BBX: variants seen among roughly 807,000 people sequenced by gnomAD.
BBX encodes the protein HMG box transcription factor BBX.
Under a neutral mutation model 100.2 loss-of-function variants are expected in BBX, and 30 were observed. That is an observed-to-expected ratio of 0.30 (90% CI 0.22 to 0.41). The LOEUF is 0.41. BBX is among the 10% of genes least tolerant of loss of function. BBX has a pLI of 1.00. For synonymous variants in BBX, 376 were observed against 388.1 expected (o/e 0.97, Z 0.37); for missense variants, 1,023 against 1,129.8 (o/e 0.91, Z 1.35).
intron 2 of BBX, among the ~76,000 whole-genome samples, chr3:107,623,806 G>A (rs893165778): frequency 6.6e-6 from 1 of 152,146 alleles, no homozygotes; most frequent in African/African-American, 2.4e-5. Flanking sequence ...TATGGGTTGG[G>A]CACTGTACAG....
At chr3:107,664,446 C>T (rs566336592) in intron 3 of BBX, among the ~76,000 whole-genome samples, 27 of 152,248 alleles carry the variant, frequency 1.8e-4, no homozygotes, top group Non-Finnish European at 3.4e-4. Flanking sequence ...TGACTATATC[C>T]GAGCAGAAGT....
chr3:107,571,656 G>A (rs547949546), intron 2 of BBX, among the ~76,000 whole-genome samples: 2 of 152,246 alleles, frequency 1.3e-5, no homozygotes, highest in Non-Finnish European at 2.9e-5. Flanking sequence ...TGAGGGCGAG[G>A]ACAGGGGACT....
intron 3 of BBX, chr3:107,657,264 A>G (rs550876889): frequency 1.3e-5 from 2 of 152,308 alleles, no homozygotes; most frequent in Admixed American, 6.5e-5. Context: ...TGGATCTTGA[A>G]ATATTTTAGA....
At chr3:107,682,199 G>C (rs1358126938) in intron 3 of BBX, among the ~76,000 whole-genome samples, 1 of 152,070 alleles carries the variant, frequency 6.6e-6, no homozygotes, top group Non-Finnish European at 1.5e-5. Flanking sequence ...GACGACTTAA[G>C]TTGTTGGGAA....
chr3:107,739,632 A>G (rs1202190536), intron 7 of BBX, among the ~76,000 whole-genome samples: 1 of 152,228 alleles, frequency 6.6e-6, no homozygotes, highest in Non-Finnish European at 1.5e-5. Context: ...AGGCAAAGGT[A>G]GAGTGGAAGG....
chr3:107,535,657 ATC>A (rs2048444669), intron 2 of BBX, among the ~76,000 whole-genome samples: 1 of 150,672 alleles, frequency 6.6e-6, no homozygotes. Flanking sequence ...CAGTGGCACA[ATC>A]TCTGCTCACT....
chr3:107,694,630 C>CA (rs1303718250), intron 3 of BBX, among the ~76,000 whole-genome samples: 1 of 149,178 alleles, frequency 6.7e-6, no homozygotes, highest in Admixed American at 6.6e-5. Flanking sequence ...CATCAATGTT[C>CA]ATCAAGGATA....
Position 107,728,842 on chromosome 3 carries a change from A to G in BBX, c.483A>G (p.Thr161=), listed in dbSNP as rs752957796. The G allele has an allele frequency of 1.9e-6, 3 of 1,613,872 alleles. No individual in the cohort carries two copies. Among genetic ancestry groups the G allele is most frequent in the Non-Finnish European group, 2.5e-6 (3 of 1,179,848 alleles). Residue 161 remains threonine (T), a synonymous_variant, in exon 6 of 18, where the codon ACA becomes ACG. Coordinates refer to ENST00000325805, the MANE Select transcript of BBX (RefSeq NM_001142568.3). ...PTTNKPVKSP[T]PTVNPRKKLW... is the part of the protein sequence containing the mutation. ...CAAACAAGCCTGTGAAATCCCCAACACCCACTGTCAATCCACGAAAGAAAC... is the reference window on the plus strand; with the variant it reads ...CAAACAAGCCTGTGAAATCCCCAACGCCCACTGTCAATCCACGAAAGAAAC...
At chr3:107,733,452 T>G (rs918424271) in intron 7 of BBX, among the ~76,000 whole-genome samples, 1 of 152,136 alleles carries the variant, frequency 6.6e-6, no homozygotes. Flanking sequence ...ACAGCTGTTT[T>G]GAAAATTAGG....
intron 10 of BBX, among the ~76,000 whole-genome samples, chr3:107,756,884 G>T (rs2107679903): frequency 6.6e-6 from 1 of 152,292 alleles, no homozygotes; most frequent in East Asian, 1.9e-4. Flanking sequence ...AGCTGAAACA[G>T]TGAAGATCTG....
intron 10 of BBX, among the ~76,000 whole-genome samples, chr3:107,765,145 A>G (rs1010106390): frequency 2.6e-5 from 4 of 152,234 alleles, no homozygotes; most frequent in African/African-American, 9.6e-5. Context: ...AATGATACTA[A>G]TATGAGTATT....
chr3:107,741,521 T>G (rs2064108523), intron 7 of BBX, among the ~76,000 whole-genome samples: 1 of 152,138 alleles, frequency 6.6e-6, no homozygotes, highest in Non-Finnish European at 1.5e-5. Flanking sequence ...TTTCAGAGAC[T>G]ATTTCTAGAA....
chr3:107,614,653 A>G (rs2055116874), intron 2 of BBX, among the ~76,000 whole-genome samples: 1 of 152,216 alleles, frequency 6.6e-6, no homozygotes, highest in African/African-American at 2.4e-5. Context: ...AAATCATTCT[A>G]GATTACTTCT....
intron 2 of BBX, among the ~76,000 whole-genome samples, chr3:107,579,252 G>A (rs1302214721): frequency 6.6e-6 from 1 of 152,178 alleles, no homozygotes; most frequent in Non-Finnish European, 1.5e-5. Flanking sequence ...TAAAGGGCGA[G>A]TAAGCACTTG....
chr3:107,594,753 C>T (rs914506725), intron 2 of BBX, among the ~76,000 whole-genome samples: 5 of 151,892 alleles, frequency 3.3e-5, no homozygotes, highest in African/African-American at 7.3e-5. Flanking sequence ...AGCTTAAAAA[C>T]GTTATTTTTT....
intron 3 of BBX, among the ~76,000 whole-genome samples, chr3:107,700,376 C>A (rs2060942769): frequency 6.7e-6 from 1 of 150,188 alleles, no homozygotes; most frequent in Non-Finnish European, 1.5e-5. Flanking sequence ...CACCTTCTTG[C>A]TAGTTAAGCA....
chr3:107,724,952 T>C (rs1325904436), intron 5 of BBX, among the ~76,000 whole-genome samples: 2 of 152,176 alleles, frequency 1.3e-5, no homozygotes, highest in African/African-American at 4.8e-5. Context: ...AAGAAAGGCA[T>C]TGGTAGCTTG....
chr3:107,537,932 C>G (rs1234314419), intron 2 of BBX, among the ~76,000 whole-genome samples: 6 of 152,176 alleles, frequency 3.9e-5, no homozygotes, highest in Non-Finnish European at 7.3e-5. Context: ...GTTCAAAGCT[C>G]ACATCAGTAA....
At chr3:107,737,402 A>G (rs2063711789) in intron 7 of BBX, among the ~76,000 whole-genome samples, 2 of 152,118 alleles carry the variant, frequency 1.3e-5, no homozygotes, top group Non-Finnish European at 2.9e-5. Flanking sequence ...GGTGCTCAAG[A>G]AGGAGACAAT....
Sources: gnomAD v4.1 joint callset for allele counts (sites outside exome capture counted in the v4.1 genomes callset) on GRCh38, gnomAD v4.1.1 for gene constraint, MANE v1.5 for transcripts, NCBI Gene and HGNC (gene_info 2026-07-23, HGNC 2026-07-21) for gene names.